WDFY3: variants seen among roughly 807,000 people sequenced by gnomAD.
The protein encoded by WDFY3 is WD repeat and FYVE domain containing 3.
A neutral mutation model predicts 409.6 loss-of-function variants in WDFY3; 66 were observed. That is an observed-to-expected ratio of 0.16 (90% CI 0.13 to 0.20). The LOEUF is 0.20. Ranked by LOEUF, WDFY3 falls within the 10% of genes least tolerant of loss-of-function variation. WDFY3 has a pLI of 1.00. For missense variants in WDFY3, 3,031 were observed against 4,298.1 expected, an observed-to-expected ratio of 0.71 and a Z score of 8.24; for synonymous variants, 1,521 against 1,537.1, an observed-to-expected ratio of 0.99 and a Z score of 0.25.
chr4:84,946,105 C>A (rs1160671007), intron 1 of WDFY3, among the ~76,000 whole-genome samples: 1 of 152,124 alleles, frequency 6.6e-6, no homozygotes, highest in African/African-American at 2.4e-5. Context: ...CAATTCTATA[C>A]AGTTGGAACT....
intron 5 of WDFY3, among the ~76,000 whole-genome samples, chr4:84,846,278 T>C (rs554491866): frequency 2.8e-4 from 43 of 152,212 alleles, no homozygotes; most frequent in African/African-American, 1.0e-3. Context: ...TAAGATGTCA[T>C]CAATGAGGAA....
intron 3 of WDFY3, among the ~76,000 whole-genome samples, chr4:84,890,496 C>T (rs1243415989): frequency 2.6e-5 from 4 of 152,164 alleles, no homozygotes; most frequent in South Asian, 4.1e-4. Context: ...GATCCTAGTA[C>T]CCAGTAATTA....
intron 21 of WDFY3, 79 bp downstream of exon 21, chr4:84,794,440 C>T (rs774503444): frequency 1.4e-5 from 19 of 1,338,188 alleles, no homozygotes; most frequent in Non-Finnish European, 1.6e-5. Context: ...TTATTATTAG[C>T]TGGACTTTTA....
chr4:84,960,576 G>A (rs185584728), intron 1 of WDFY3, among the ~76,000 whole-genome samples: 1 of 152,130 alleles, frequency 6.6e-6, no homozygotes, highest in East Asian at 1.9e-4. Context: ...ATTATTACGG[G>A]GTACTCAAAC....
At chr4:84,721,861 A>AC (rs1339914287) in intron 46 of WDFY3, among the ~76,000 whole-genome samples, 2 of 152,188 alleles carry the variant, frequency 1.3e-5, no homozygotes, top group South Asian at 2.1e-4. Context: ...AACAACAACA[A>AC]AAAACATGGT....
intron 42 of WDFY3, among the ~76,000 whole-genome samples, chr4:84,735,953 CATCTT>C (rs1267167138): frequency 6.6e-6 from 1 of 152,148 alleles, no homozygotes; most frequent in Admixed American, 6.5e-5. Flanking sequence ...CTCTAAATCT[CATCTT>C]ATATCCAGTT....
chr4:84,676,018 G>A (rs1726221775), intron 67 of WDFY3, among the ~76,000 whole-genome samples: 1 of 152,076 alleles, frequency 6.6e-6, no homozygotes. Context: ...TGTGATCCTA[G>A]GACAGAGAAA....
intron 27 of WDFY3, among the ~76,000 whole-genome samples, chr4:84,778,065 T>G (rs535881249): frequency 6.6e-6 from 1 of 152,196 alleles, no homozygotes; most frequent in African/African-American, 2.4e-5. Context: ...GAAGGATTGA[T>G]TAGGGCTTGA....
chr4:84,709,605 T>A (rs1732548674), intron 51 of WDFY3, among the ~76,000 whole-genome samples: 2 of 149,746 alleles, frequency 1.3e-5, no homozygotes, highest in South Asian at 4.1e-4. Flanking sequence ...GTGAATTTTG[T>A]TTGAGTTGAG....
intron 3 of WDFY3, 134 bp downstream of exon 3, chr4:84,896,774 TATA>T (rs1227950738): frequency 6.6e-6 from 1 of 152,224 alleles, no homozygotes; most frequent in Non-Finnish European, 1.5e-5. Flanking sequence ...TAATCAAATT[TATA>T]ATGGTAGCTC....
chr4:84,888,781 C>A (rs1764552860), intron 3 of WDFY3, among the ~76,000 whole-genome samples: 1 of 151,160 alleles, frequency 6.6e-6, no homozygotes, highest in Non-Finnish European at 1.5e-5. Context: ...TGGGACTAAC[C>A]AAGGTGAGAA....
chr4:84,828,770 G>A (rs12640937), intron 9 of WDFY3, among the ~76,000 whole-genome samples: 5 of 152,134 alleles, frequency 3.3e-5, no homozygotes, highest in Non-Finnish European at 5.9e-5. Flanking sequence ...GTGGTGGTAC[G>A]TGCCTGTAGT....
intron 24 of WDFY3, among the ~76,000 whole-genome samples, chr4:84,784,887 T>TACAC (rs1191175705): frequency 1.8e-3 from 112 of 62,352 alleles, no homozygotes; most frequent in African/African-American, 5.8e-3. Context: ...TATATATATA[T>TACAC]ATATACACAC....
chr4:84,675,803 C>T lies in WDFY3; in HGVS notation c.10457+1396G>A, dbSNP rs148457359. ...TTCTGTTGTCTGGCAGAAAAAGTAACGACTGTGGATGTGTATCTGGGACCC... is the reference window on the plus strand; with the variant it reads ...TTCTGTTGTCTGGCAGAAAAAGTAATGACTGTGGATGTGTATCTGGGACCC... On this transcript the variant is annotated intron_variant, in intron 67 of 67. Transcript: ENST00000295888. 3.6e-3 allele frequency among the ~76,000 whole-genome samples: 551 copies of T among 152,256 alleles called. 5 individuals carry two copies. The highest frequency in any genetic ancestry group is 0.017 in the Middle Eastern group (5 of 294).
chr4:84,693,160 T>C, intron 58 of WDFY3, 128 bp from the exon 59 acceptor site: 1 of 983,156 alleles, frequency 1.0e-6, no homozygotes, highest in Non-Finnish European at 1.5e-6. Context: ...ATTATCCTCA[T>C]TTTACACCCG....
At chr4:84,936,394 A>C (rs1771415259) in intron 1 of WDFY3, among the ~76,000 whole-genome samples, 1 of 152,016 alleles carries the variant, frequency 6.6e-6, no homozygotes, top group Admixed American at 6.6e-5. Context: ...GGTGGCAAAC[A>C]CCTGTAGTCC....
chr4:84,804,277 G>C (rs975390148), intron 15 of WDFY3: 1 of 152,112 alleles, frequency 6.6e-6, no homozygotes, highest in Non-Finnish European at 1.5e-5. Flanking sequence ...CAGCCTATGG[G>C]AACTCTTTGT....
intron 44 of WDFY3, among the ~76,000 whole-genome samples, chr4:84,732,287 T>A (rs1391769967): frequency 2.0e-5 from 3 of 152,202 alleles, no homozygotes; most frequent in Non-Finnish European, 4.4e-5. Context: ...AAATTGTAAT[T>A]GTTTATGGTG....
intron 10 of WDFY3, among the ~76,000 whole-genome samples, chr4:84,823,502 G>GC (rs1560851593): frequency 6.6e-6 from 1 of 151,692 alleles, no homozygotes; most frequent in South Asian, 2.1e-4. Context: ...AAAAAAACCA[G>GC]CAAGTCAAAA....
Sources: allele counts gnomAD v4.1 joint callset (sites outside exome capture counted in the v4.1 genomes callset), GRCh38; gene constraint gnomAD v4.1.1; transcripts MANE v1.5; gene names NCBI Gene and HGNC (gene_info 2026-07-23, HGNC 2026-07-21).